STK32B: variants seen among roughly 807,000 people sequenced by gnomAD.
STK32B encodes serine/threonine kinase 32B, also known as serine/threonine-protein kinase 32B.
Under a neutral mutation model 52.6 loss-of-function variants are expected in STK32B, and 43 were observed. The ratio of observed to expected loss-of-function variants is 0.82; its 90% CI spans 0.64 to 1.05. The LOEUF is 1.05. STK32B is among the 50% of genes least tolerant of loss of function. STK32B has a pLI of 0.00. For synonymous variants in STK32B, 238 were observed against 204.3 expected, an observed-to-expected ratio of 1.17 and a Z score of -1.41; for missense variants, 621 against 534.6, an observed-to-expected ratio of 1.16 and a Z score of -1.59.
intron 2 of STK32B, among the ~76,000 whole-genome samples, chr4:5,156,811 A>C (rs1000224906): frequency 1.3e-5 from 2 of 152,192 alleles, no homozygotes; most frequent in African/African-American, 4.8e-5. Flanking sequence ...TGCCCCTCAA[A>C]GGAAGATTCT....
At chr4:5,344,202 C>G (rs1451079600) in intron 4 of STK32B, among the ~76,000 whole-genome samples, 1 of 152,126 alleles carries the variant, frequency 6.6e-6, no homozygotes, top group Non-Finnish European at 1.5e-5. Context: ...AAACAGCAAC[C>G]ATTTGTTCAC....
chr4:5,053,032 C>T (rs1203645539), intron 1 of STK32B, among the ~76,000 whole-genome samples: 3 of 152,210 alleles, frequency 2.0e-5, no homozygotes, highest in African/African-American at 7.2e-5. Flanking sequence ...TTACCCAGGG[C>T]ACTGGCTGTG....
At chr4:5,252,702 C>T (rs1253831231) in intron 3 of STK32B, among the ~76,000 whole-genome samples, 1 of 152,188 alleles carries the variant, frequency 6.6e-6, no homozygotes, top group African/African-American at 2.4e-5. Context: ...TGAAGTCACA[C>T]CTGAACACAA....
rs11730537 is a variant in STK32B at position 5,395,829 on chromosome 4, T to C, written c.435-2378T>C. The stretch of plus-strand genomic sequence containing the variant: ...GTTGGAACACAGACTGTCTAGATCA[T>C]GGGCTGAATTCTCCCAAACAGAACA... On this transcript the variant is annotated intron_variant, in intron 4 of 11. Transcript: ENST00000282908. The surrounding 1 kb of genome is among the most constrained non-coding windows in gnomAD (Gnocchi z 4.4). Among the ~76,000 whole-genome samples the C allele has an allele frequency of 0.049, 7,424 of 152,330 alleles. 266 individuals carry two copies. The highest frequency in any genetic ancestry group is 0.074 in the Non-Finnish European group (5,021 of 68,014).
chr4:5,480,828 C>T (rs146134520), intron 11 of STK32B, among the ~76,000 whole-genome samples: 2,988 of 151,750 alleles, frequency 0.02, 108 homozygotes, highest in African/African-American at 0.068. Context: ...TGATAACATG[C>T]GGTGTTTGGT....
chr4:5,032,520 G>GA, the STK32B span, among the ~76,000 whole-genome samples: 14 of 106,446 alleles, frequency 1.3e-4, no homozygotes, highest in South Asian at 3.5e-3. Flanking sequence ...AGAAAGAAAA[G>GA]AAAAAAACCC....
At chr4:5,346,666 G>A (rs1334497026) in intron 4 of STK32B, among the ~76,000 whole-genome samples, 1 of 152,186 alleles carries the variant, frequency 6.6e-6, no homozygotes, top group East Asian at 1.9e-4. Context: ...GTCAGTGACT[G>A]CTCTGGACAT....
chr4:5,056,796 G>A (rs1742024338), intron 1 of STK32B, among the ~76,000 whole-genome samples: 1 of 152,216 alleles, frequency 6.6e-6, no homozygotes, highest in Non-Finnish European at 1.5e-5. Context: ...GATTCAGGGG[G>A]TAGAGTCAGC....
intron 4 of STK32B, among the ~76,000 whole-genome samples, chr4:5,343,412 C>A (rs527384882): frequency 6.6e-6 from 1 of 152,088 alleles, no homozygotes; most frequent in Admixed American, 6.5e-5. Context: ...AGTAAACATA[C>A]GTATGCATGT....
Position 5,146,159 on chromosome 4 carries a change from T to C in STK32B, c.108+6199T>C, listed in dbSNP as rs189430459. ...AGAGGGACAGAATTAATAGGATATA[T>C]GTATATATGAAGGGGAGTTTATTAA... On this transcript the variant is annotated intron_variant, in intron 2 of 11. Coordinates refer to ENST00000282908, the MANE Select transcript of STK32B (RefSeq NM_018401.3). Among the ~76,000 whole-genome samples the C allele has an allele frequency of 2.6e-5, 4 of 151,894 alleles. No homozygotes were observed. In the East Asian group the frequency reaches 5.8e-4, roughly 22 times the overall value.
chr4:5,243,752 C>T (rs1423703830), intron 3 of STK32B, among the ~76,000 whole-genome samples: 1 of 152,040 alleles, frequency 6.6e-6, no homozygotes, highest in African/African-American at 2.4e-5. Context: ...AGATATGTCC[C>T]ATCAATACCT....
chr4:5,430,143 C>A (rs1713446090), intron 6 of STK32B, among the ~76,000 whole-genome samples: 1 of 152,034 alleles, frequency 6.6e-6, no homozygotes, highest in Admixed American at 6.5e-5. Flanking sequence ...TTAGAAAATT[C>A]TTGGTCATTA....
intron 3 of STK32B, among the ~76,000 whole-genome samples, chr4:5,235,007 T>G (rs1297978906): frequency 6.6e-6 from 1 of 152,246 alleles, no homozygotes; most frequent in East Asian, 1.9e-4. Context: ...CCAGGAATTT[T>G]TACATATGAC....
Position 5,321,897 on chromosome 4 carries a change from A to G in STK32B, c.261-9323A>G, listed in dbSNP as rs559310801. On this transcript the variant is annotated intron_variant, in intron 3 of 11. Transcript: ENST00000282908. Reference sequence around the variant, plus strand: ...TACGGGAGGCCATTGGAAGCTAACCAGCGTCCTTCGACTTCCTGGGAAGGA... The same window carrying G: ...TACGGGAGGCCATTGGAAGCTAACCGGCGTCCTTCGACTTCCTGGGAAGGA... Among the ~76,000 whole-genome samples, 80 of 152,102 alleles carry G rather than the reference A, an allele frequency of 5.3e-4. 2 individuals carry two copies. Among genetic ancestry groups the G allele is most frequent in the South Asian group, 3.3e-3 (16 of 4,818 alleles).
At chr4:5,135,158 T>C (rs902346846) in intron 1 of STK32B, among the ~76,000 whole-genome samples, 24 of 152,248 alleles carry the variant, frequency 1.6e-4, no homozygotes, top group African/African-American at 5.8e-4. Flanking sequence ...GGGTGAAATA[T>C]GAGGAAAAGC....
intron 3 of STK32B, among the ~76,000 whole-genome samples, chr4:5,302,206 T>C (rs1162315609): frequency 8.0e-6 from 1 of 124,500 alleles, no homozygotes. Flanking sequence ...ATTACAAAAA[T>C]TGTAAAAAAA....
At chr4:5,355,717 C>G (rs887696480) in intron 4 of STK32B, among the ~76,000 whole-genome samples, 4 of 152,144 alleles carry the variant, frequency 2.6e-5, no homozygotes, top group Non-Finnish European at 5.9e-5. Flanking sequence ...CTCCACACAT[C>G]ATCAAATGTG....
chr4:5,047,524 A>G (rs1577606667), upstream of STK32B, among the ~76,000 whole-genome samples: 1 of 152,348 alleles, frequency 6.6e-6, no homozygotes, highest in Non-Finnish European at 1.5e-5. Flanking sequence ...AGAGAGGGGC[A>G]TCTCACAATG....
chr4:5,302,925 C>T (rs1183186734), intron 3 of STK32B, among the ~76,000 whole-genome samples: 1 of 151,914 alleles, frequency 6.6e-6, no homozygotes, highest in African/African-American at 2.4e-5. Flanking sequence ...GCTGCAAATG[C>T]CACTATTCCA....
Sources: gnomAD v4.1 joint callset for allele counts (sites outside exome capture counted in the v4.1 genomes callset) on GRCh38, gnomAD v4.1.1 for gene constraint, Gnocchi (gnomAD v3.1) non-coding constraint, MANE v1.5 for transcripts, NCBI Gene and HGNC (gene_info 2026-07-23, HGNC 2026-07-21) for gene names.